Variants in C12orf75 observed in about 807,000 individuals in gnomAD.
C12orf75 encodes overexpressed in colon carcinoma 1 protein.
Under a neutral mutation model 11.4 loss-of-function variants are expected in C12orf75, and 4 were observed. The ratio of observed to expected loss-of-function variants is 0.35; its 90% confidence interval spans 0.17 to 0.80. The LOEUF (loss-of-function observed/expected upper bound fraction) is 0.80. Ranked by LOEUF, C12orf75 falls within the 30% of genes least tolerant of loss-of-function variation. The pLI is 0.52. For synonymous variants in C12orf75, 30 were observed against 30.0 expected (o/e 1.00, Z 0.00); for missense variants, 89 against 80.4 (o/e 1.11, Z -0.41).
At position 105,366,675 on chromosome 12, in the gene C12orf75, C is replaced by A; in HGVS notation, c.166C>A (p.Gln56Lys). The change falls in exon 4 of 6, where the codon CAA becomes AAA. Residue 56 changes from glutamine to lysine, a missense_variant. Gln to Lys is a moderately conservative substitution (Grantham distance 53). Transcript: ENST00000443585. ...PSEAVNMVSS[Q>K]TKTVRKN The stretch of plus-strand genomic sequence containing the variant: ...TGAAGCTGTCAATATGGTGTCCAGT[C>A]AAACAAAGACGGTTCGGAAAAGTAA... 6.5e-7 allele frequency: 1 copy of A among 1,535,446 alleles called. No homozygotes were observed.
chr12:105,342,309 G>A (rs1892585508), intron 1 of C12orf75, among the ~76,000 whole-genome samples: 1 of 152,112 alleles, frequency 6.6e-6, no homozygotes, highest in Non-Finnish European at 1.5e-5. Flanking sequence ...TTGAGAGAGT[G>A]GGCTGGTTAT....
intron 2 of C12orf75, 136 bp from the exon 3 acceptor site, chr12:105,365,671 C>T (rs1477882850): frequency 6.0e-6 from 4 of 666,050 alleles, no homozygotes; most frequent in Middle Eastern, 2.5e-4. Flanking sequence ...GATAGTTTTG[C>T]TCCTCTACTT....
chr12:105,370,133 C>T (rs934872360), intron 5 of C12orf75, among the ~76,000 whole-genome samples: 11 of 152,030 alleles, frequency 7.2e-5, no homozygotes, highest in African/African-American at 2.7e-4. Context: ...TGCAGATGAC[C>T]CTAGGCTGAA....
At chr12:105,350,586 T>C (rs756629144) in intron 2 of C12orf75, among the ~76,000 whole-genome samples, 28 of 152,244 alleles carry the variant, frequency 1.8e-4, no homozygotes, top group Non-Finnish European at 3.7e-4. Flanking sequence ...ATAGTGTGTC[T>C]TTCTCCTCAG....
chr12:105,359,587 A>G (rs951182213), intron 2 of C12orf75, among the ~76,000 whole-genome samples: 1 of 152,032 alleles, frequency 6.6e-6, no homozygotes, highest in African/African-American at 2.4e-5. Flanking sequence ...CCTGGCCAAC[A>G]TGGTGAGACC....
At chr12:105,365,265 TA>T (rs770120298) in intron 2 of C12orf75, among the ~76,000 whole-genome samples, 8 of 151,618 alleles carry the variant, frequency 5.3e-5, no homozygotes, top group South Asian at 2.1e-4. Context: ...TGTTTTTAGA[TA>T]AAAAAAAATC....
At chr12:105,363,284 A>C (rs1056860608) in intron 2 of C12orf75, among the ~76,000 whole-genome samples, 5 of 152,266 alleles carry the variant, frequency 3.3e-5, no homozygotes, top group Admixed American at 6.5e-5. Flanking sequence ...GGAGAGACTC[A>C]TGAATGACAC....
chr12:105,332,530 G>T (rs368782641), intron 1 of C12orf75, among the ~76,000 whole-genome samples: 165 of 152,116 alleles, frequency 1.1e-3, no homozygotes, highest in African/African-American at 3.8e-3. Flanking sequence ...TCAGGAACTC[G>T]AGACCAGTGT....
chr12:105,334,855 C>G (rs1892481214), intron 1 of C12orf75, among the ~76,000 whole-genome samples: 1 of 152,166 alleles, frequency 6.6e-6, no homozygotes. Flanking sequence ...TTCATATAGA[C>G]TATGAAGCAA....
chr12:105,348,418 CAAAA>C (rs35593271), intron 1 of C12orf75, among the ~76,000 whole-genome samples, 180 bp from the exon 2 acceptor site: 7 of 116,102 alleles, frequency 6.0e-5, no homozygotes, highest in Admixed American at 8.9e-5. Context: ...GTATCTGAAA[CAAAA>C]AAAAAAAAAA....
chr12:105,362,799 C>T (rs1004449511), intron 2 of C12orf75, among the ~76,000 whole-genome samples: 1 of 152,132 alleles, frequency 6.6e-6, no homozygotes, highest in African/African-American at 2.4e-5. Flanking sequence ...AATTCTGGCT[C>T]TATGATTTAG....
chr12:105,357,723 C>T (rs1892801505), intron 2 of C12orf75, among the ~76,000 whole-genome samples: 1 of 151,252 alleles, frequency 6.6e-6, no homozygotes, highest in Non-Finnish European at 1.5e-5. Flanking sequence ...AAAGAAGCTA[C>T]ATTTTTTTGC....
At chr12:105,342,328 T>A (rs1392181891) in intron 1 of C12orf75, among the ~76,000 whole-genome samples, 4 of 151,944 alleles carry the variant, frequency 2.6e-5, no homozygotes, top group African/African-American at 7.3e-5. Flanking sequence ...ATTGAGAGAG[T>A]GGGTTGCTGT....
At chr12:105,343,526 G>A (rs964368283) in intron 1 of C12orf75, among the ~76,000 whole-genome samples, 5 of 152,240 alleles carry the variant, frequency 3.3e-5, no homozygotes, top group African/African-American at 1.2e-4. Flanking sequence ...TAATTACTTA[G>A]ATTAGGGATT....
chr12:105,349,867 ACT>A (rs1298247155), intron 2 of C12orf75, among the ~76,000 whole-genome samples: 3 of 152,008 alleles, frequency 2.0e-5, no homozygotes, highest in Non-Finnish European at 2.9e-5. Flanking sequence ...ACAGAGCCAG[ACT>A]CTGTCTCAAA....
chr12:105,340,883 C>A (rs1892564884), intron 1 of C12orf75, among the ~76,000 whole-genome samples: 1 of 152,084 alleles, frequency 6.6e-6, no homozygotes, highest in Admixed American at 6.5e-5. Flanking sequence ...GATGATGGGG[C>A]CACAAGCCAA....
intron 2 of C12orf75, among the ~76,000 whole-genome samples, chr12:105,352,925 C>T (rs1376707773): frequency 6.6e-6 from 1 of 152,194 alleles, no homozygotes; most frequent in Non-Finnish European, 1.5e-5. Context: ...GAAATTAAAT[C>T]ACAGTGCAGT....
In C12orf75 at chr12:105,365,848, T is replaced by G. The variant is rs758082079; in HGVS notation, c.107+6T>G. ...ACAGAAGATGACAAGAGGAGGTATG[T>G]TTGGTATTGCAGCTGGCTTTAGTTT... On this transcript the variant is annotated splice_donor_region_variant and intron_variant, in intron 3 of 5. Transcript: ENST00000443585. 1.5e-5 allele frequency: 23 copies of G among 1,543,436 alleles called. No homozygotes were observed. The highest frequency in any genetic ancestry group is 1.9e-5 in the Non-Finnish European group (22 of 1,139,524).
intron 2 of C12orf75, among the ~76,000 whole-genome samples, chr12:105,355,457 T>G (rs991093433): frequency 2.0e-5 from 3 of 152,212 alleles, no homozygotes; most frequent in African/African-American, 7.2e-5. Context: ...TGTGTGCCAC[T>G]GCACGTGGCC....
Sources: gnomAD v4.1 joint callset for allele counts (sites outside exome capture counted in the v4.1 genomes callset) on GRCh38, gnomAD v4.1.1 for gene constraint, MANE v1.5 for transcripts, NCBI Gene and HGNC (gene_info 2026-07-23, HGNC 2026-07-21) for gene names.